CLIC5: variants seen among roughly 807,000 people sequenced by gnomAD.
CLIC5 encodes the protein CLIC family member 5, also known as chloride intracellular channel protein 5.
In CLIC5, 20 loss-of-function variants were observed where a neutral mutation model predicts 24.7. The observed-to-expected ratio is 0.81, with a 90% CI of 0.57 to 1.18. The LOEUF (loss-of-function observed/expected upper bound fraction) is 1.18. Among genes scored for constraint, CLIC5 ranks in the 50% most tolerant of loss-of-function variants. The pLI is 0.00. For missense variants in CLIC5, 341 were observed against 326.1 expected (o/e 1.05, Z -0.35); for synonymous variants, 159 against 135.6 (o/e 1.17, Z -1.20).
intron 1 of CLIC5, among the ~76,000 whole-genome samples, chr6:46,078,641 C>T (rs374983112): frequency 2.0e-5 from 3 of 152,210 alleles, no homozygotes; most frequent in African/African-American, 7.2e-5. Flanking sequence ...CTTGCACAGC[C>T]CTTTCCCCCC....
At chr6:46,097,663 T>C in the CLIC5 span, among the ~76,000 whole-genome samples, 1 of 152,218 alleles carries the variant, frequency 6.6e-6, no homozygotes, top group African/African-American at 2.4e-5. Context: ...CTCCAAGACT[T>C]GAATTTCACC....
intron 1 of CLIC5, among the ~76,000 whole-genome samples, chr6:46,072,295 G>C (rs1762630180): frequency 6.6e-6 from 1 of 151,782 alleles, no homozygotes; most frequent in South Asian, 2.1e-4. Flanking sequence ...GGGGGAGGGG[G>C]GATCCTAGGG....
upstream of CLIC5, among the ~76,000 whole-genome samples, chr6:46,020,312 C>A (rs1767140434): frequency 6.6e-6 from 1 of 152,104 alleles, no homozygotes; most frequent in South Asian, 2.1e-4. Flanking sequence ...TTAAGCAACA[C>A]ACTTTAAGAA....
chr6:46,117,966 C>A, the CLIC5 span, among the ~76,000 whole-genome samples: 1 of 152,152 alleles, frequency 6.6e-6, no homozygotes, highest in South Asian at 2.1e-4. Flanking sequence ...TGACAATTTT[C>A]TCCAACTCTA....
intron 1 of CLIC5, among the ~76,000 whole-genome samples, chr6:46,068,905 G>A (rs1454404670): frequency 6.6e-6 from 1 of 152,102 alleles, no homozygotes; most frequent in African/African-American, 2.4e-5. Flanking sequence ...TGTTGTTTAA[G>A]CCACCCAGTT....
the CLIC5 span, among the ~76,000 whole-genome samples, chr6:46,086,816 T>C: frequency 5.1e-3 from 784 of 152,276 alleles, 11 homozygotes; most frequent in African/African-American, 0.018. Context: ...GGGAGGGAAC[T>C]GTGTGTAAGC....
chr6:46,112,587 T>C, the CLIC5 span, among the ~76,000 whole-genome samples: 2 of 152,232 alleles, frequency 1.3e-5, no homozygotes, highest in African/African-American at 2.4e-5. Flanking sequence ...ATCTGACTTT[T>C]GTGGGTTATT....
chr6:45,975,042 T>A (rs1765340962), intron 1 of CLIC5, among the ~76,000 whole-genome samples: 1 of 152,256 alleles, frequency 6.6e-6, no homozygotes, highest in South Asian at 2.1e-4. Context: ...AGGTTTGAGT[T>A]GTCACAGTCA....
intron 6 of CLIC5, among the ~76,000 whole-genome samples, chr6:45,885,876 A>G (rs564878535): frequency 6.6e-6 from 1 of 152,214 alleles, no homozygotes; most frequent in Non-Finnish European, 1.5e-5. Context: ...TGGCCTAAGA[A>G]GGATGGGAGA....
intron 3 of CLIC5, among the ~76,000 whole-genome samples, chr6:45,946,783 G>A (rs983296306): frequency 1.3e-5 from 2 of 152,208 alleles, no homozygotes; most frequent in East Asian, 1.9e-4. Context: ...TCTGATGGGT[G>A]CAAAGGCATC....
At chr6:45,885,004 CAA>C (rs368245450) in intron 6 of CLIC5, among the ~76,000 whole-genome samples, 3 of 75,906 alleles carry the variant, frequency 4.0e-5, no homozygotes, top group African/African-American at 5.5e-5. Context: ...CATCAAGGGC[CAA>C]AAAAAAAAAG....
chr6:45,965,769 A>C (rs566213437), intron 1 of CLIC5, among the ~76,000 whole-genome samples: 1 of 152,220 alleles, frequency 6.6e-6, no homozygotes, highest in South Asian at 2.1e-4. Context: ...GGCCACTGTC[A>C]AAAGCTTTGC....
At chr6:46,046,455 G>A (rs1219826168) in intron 1 of CLIC5, among the ~76,000 whole-genome samples, 1 of 152,170 alleles carries the variant, frequency 6.6e-6, no homozygotes, top group Non-Finnish European at 1.5e-5. Flanking sequence ...AAGAGAGTGG[G>A]AAATGGTCAA....
intron 1 of CLIC5, among the ~76,000 whole-genome samples, chr6:46,025,062 T>G (rs1767291934): frequency 6.6e-6 from 1 of 152,024 alleles, no homozygotes. Flanking sequence ...AAAGAGAATG[T>G]CTTATAGTAT....
intron 6 of CLIC5, among the ~76,000 whole-genome samples, chr6:45,889,001 G>A (rs769356392): frequency 5.3e-5 from 8 of 151,728 alleles, no homozygotes; most frequent in Non-Finnish European, 1.2e-4. Context: ...TCAAGTTGAG[G>A]AATATCTACA....
intron 1 of CLIC5, among the ~76,000 whole-genome samples, chr6:46,041,667 T>A (rs1490426886): frequency 6.6e-6 from 1 of 152,090 alleles, no homozygotes; most frequent in Non-Finnish European, 1.5e-5. Flanking sequence ...TGAATGTGAG[T>A]TAGGTTTGTG....
the CLIC5 span, among the ~76,000 whole-genome samples, chr6:46,086,407 T>G: frequency 3.4e-4 from 52 of 152,336 alleles, 1 homozygote; most frequent in East Asian, 0.01. Flanking sequence ...GTGAATGTCT[T>G]AAGTGATAGA....
chr6:45,981,689 G>A (rs965140199), intron 1 of CLIC5, among the ~76,000 whole-genome samples: 1 of 152,154 alleles, frequency 6.6e-6, no homozygotes, highest in Non-Finnish European at 1.5e-5. Context: ...CCACTCTGGA[G>A]GAAGACTCTC....
chr6:45,889,807 T>A (rs1289468622), intron 6 of CLIC5, among the ~76,000 whole-genome samples: 1 of 152,200 alleles, frequency 6.6e-6, no homozygotes, highest in Admixed American at 6.5e-5. Flanking sequence ...CTAAAAATAT[T>A]TTCTTACACA....
Sources: gnomAD v4.1 joint callset for allele counts (sites outside exome capture counted in the v4.1 genomes callset) on GRCh38, gnomAD v4.1.1 for gene constraint, MANE v1.5 for transcripts, NCBI Gene and HGNC (gene_info 2026-07-23, HGNC 2026-07-21) for gene names.